The following FOCAD variants were observed in gnomAD, a reference collection of about 807,000 sequenced individuals.
The protein encoded by FOCAD is KIAA1797.
Under a neutral mutation model 225.6 loss-of-function variants are expected in FOCAD, and 198 were observed. The observed-to-expected ratio is 0.88, with a 90% CI of 0.78 to 0.99. The LOEUF (loss-of-function observed/expected upper bound fraction) is 0.99, where lower values mean the gene tolerates loss of function less well. Among genes scored for constraint, FOCAD ranks in the 50% least tolerant of loss-of-function variants. The pLI is 0.00. For synonymous variants in FOCAD, 897 were observed against 755.0 expected (o/e 1.19, Z -3.08); for missense variants, 2,713 against 2,123.6 (o/e 1.28, Z -5.46).
intron 2 of FOCAD, among the ~76,000 whole-genome samples, chr9:20,669,493 G>A (rs1821992414): frequency 6.6e-6 from 1 of 152,188 alleles, no homozygotes; most frequent in Admixed American, 6.5e-5. Context: ...AAGAAAACAT[G>A]GCACAGTGCT....
intron 39 of FOCAD, among the ~76,000 whole-genome samples, chr9:20,982,676 G>A (rs1840806556): frequency 1.3e-5 from 2 of 152,172 alleles, no homozygotes; most frequent in Admixed American, 6.5e-5. Flanking sequence ...TTTTTAACCC[G>A]ATTTCTCCCA....
intron 9 of FOCAD, 82 bp from the exon 10 acceptor site, chr9:20,781,645 C>A: frequency 1.7e-6 from 2 of 1,201,144 alleles, no homozygotes; most frequent in Non-Finnish European, 1.2e-6. Flanking sequence ...AACTTTCTTG[C>A]ATATCATTCT....
At chr9:20,736,889 C>T (rs185549535) in intron 4 of FOCAD, among the ~76,000 whole-genome samples, 37 of 151,672 alleles carry the variant, frequency 2.4e-4, no homozygotes, top group African/African-American at 7.7e-4. Flanking sequence ...TGAAAGTATC[C>T]CTCTCAACCC....
chr9:20,766,348 G>A (rs538935938), intron 7 of FOCAD, among the ~76,000 whole-genome samples: 1 of 152,184 alleles, frequency 6.6e-6, no homozygotes, highest in African/African-American at 2.4e-5. Flanking sequence ...AGAATGAAGC[G>A]TGTGAGGGTT....
At chr9:20,955,039 T>G (rs536622302) in intron 35 of FOCAD, among the ~76,000 whole-genome samples, 1 of 152,348 alleles carries the variant, frequency 6.6e-6, no homozygotes, top group East Asian at 1.9e-4. Context: ...CTTTTGAGTT[T>G]AAATGTCTGG....
At chr9:20,943,971 C>T (rs1836922263) in intron 28 of FOCAD, among the ~76,000 whole-genome samples, 1 of 152,182 alleles carries the variant, frequency 6.6e-6, no homozygotes, top group Non-Finnish European at 1.5e-5. Context: ...ATTGAATTGT[C>T]ACATGGGGTA....
intron 19 of FOCAD, among the ~76,000 whole-genome samples, chr9:20,877,137 CCGATGTGAATTTTA>C (rs1205967935): frequency 1.8e-5 from 1 of 55,638 alleles, no homozygotes; most frequent in East Asian, 6.6e-4. Flanking sequence ...AAACTATAGA[CCGATGTGAATTTTA>C]TAGGGTTTTC....
intron 5 of FOCAD, 118 bp downstream of exon 5, chr9:20,740,458 G>A: frequency 3.6e-6 from 2 of 560,956 alleles, no homozygotes; most frequent in Non-Finnish European, 3.1e-6. Context: ...TGCACACAGT[G>A]ATTGTGGGTG....
chr9:20,706,680 G>C (rs1292794886), intron 1 of FOCAD, among the ~76,000 whole-genome samples: 1 of 152,148 alleles, frequency 6.6e-6, no homozygotes, highest in Non-Finnish European at 1.5e-5. Context: ...TTTCTCTAGT[G>C]AAAATATGTA....
chr9:20,970,322 C>G (rs1301001289), intron 35 of FOCAD, among the ~76,000 whole-genome samples: 1 of 152,050 alleles, frequency 6.6e-6, no homozygotes, highest in Non-Finnish European at 1.5e-5. Flanking sequence ...TTCTGAGATT[C>G]CTGTTATGCC....
At chr9:20,940,490 G>A (rs1836537234) in intron 28 of FOCAD, among the ~76,000 whole-genome samples, 1 of 151,944 alleles carries the variant, frequency 6.6e-6, no homozygotes, top group Admixed American at 6.6e-5. Flanking sequence ...TTACTGTGTT[G>A]CCTAGGCCGG....
At position 20,950,855 on chromosome 9, in the gene FOCAD, A is replaced by G. The variant is rs17832665; in HGVS notation, c.3949-141A>G. On this transcript the variant is annotated intron_variant, in intron 33 of 43. Transcript: ENST00000338382. ...ACAGGTATAGCGTACTAGACACATG[A>G]TATTACATCTTGTCATAGGACTGCT... 3,313 of 676,438 alleles carry G rather than the reference A, an allele frequency of 4.9e-3. 94 individuals carry two copies. In the East Asian group the frequency reaches 0.057, roughly 12 times the overall value. 41.9% of individuals were successfully genotyped at this position (676,438 alleles called of 1,614,324 possible).
intron 21 of FOCAD, among the ~76,000 whole-genome samples, chr9:20,897,324 C>G (rs575321451): frequency 1.3e-5 from 2 of 151,130 alleles, no homozygotes; most frequent in Admixed American, 6.6e-5. Context: ...GTAGTTGGGT[C>G]TTGGTTTTTG....
At chr9:20,716,929 T>G (rs182103921) in intron 2 of FOCAD, among the ~76,000 whole-genome samples, 47 of 152,332 alleles carry the variant, frequency 3.1e-4, no homozygotes, top group African/African-American at 1.1e-3. Context: ...CCTTTTTTCT[T>G]TCTTAGTGGC....
chr9:20,789,128 G>A (rs1448063241), intron 10 of FOCAD, among the ~76,000 whole-genome samples: 1 of 152,108 alleles, frequency 6.6e-6, no homozygotes, highest in African/African-American at 2.4e-5. Flanking sequence ...ATGAGGAAAA[G>A]TTGTGATAAA....
At chr9:20,884,651 T>C (rs966043015) in intron 20 of FOCAD, among the ~76,000 whole-genome samples, 1 of 152,162 alleles carries the variant, frequency 6.6e-6, no homozygotes, top group Non-Finnish European at 1.5e-5. Context: ...TTATTCCTTA[T>C]ATATAAATGG....
intron 24 of FOCAD, among the ~76,000 whole-genome samples, chr9:20,920,546 A>G (rs1158728407): frequency 1.7e-5 from 2 of 116,804 alleles, no homozygotes; most frequent in Non-Finnish European, 3.5e-5. Context: ...CACAATAGCA[A>G]AGACTTGGAA....
chr9:20,776,647 A>G (rs1818786770), intron 8 of FOCAD, among the ~76,000 whole-genome samples: 1 of 152,208 alleles, frequency 6.6e-6, no homozygotes, highest in African/African-American at 2.4e-5. Context: ...TTTTGCCTTC[A>G]TACTTTTAAG....
chr9:20,940,730 G>A (rs1394393180), intron 28 of FOCAD, among the ~76,000 whole-genome samples: 1 of 152,160 alleles, frequency 6.6e-6, no homozygotes, highest in Non-Finnish European at 1.5e-5. Context: ...CATCACTTTG[G>A]TTTACAGATA....
Sources: allele counts gnomAD v4.1 joint callset (sites outside exome capture counted in the v4.1 genomes callset), GRCh38; gene constraint gnomAD v4.1.1; transcripts MANE v1.5; gene names NCBI Gene and HGNC (gene_info 2026-07-23, HGNC 2026-07-21).